Variants in FHIT observed in about 807,000 individuals in gnomAD.
FHIT encodes fragile histidine triad diadenosine triphosphatase.
Under a neutral mutation model 17.9 loss-of-function variants are expected in FHIT, and 19 were observed. The ratio of observed to expected loss-of-function variants is 1.06; its 90% CI spans 0.74 to 1.56. FHIT has a LOEUF of 1.56. Among genes scored for constraint, FHIT ranks in the 40% most tolerant of loss-of-function variants. The pLI is 0.00. For missense variants in FHIT, 248 were observed against 189.2 expected, an observed-to-expected ratio of 1.31 and a Z score of -1.82; for synonymous variants, 81 against 69.7, an observed-to-expected ratio of 1.16 and a Z score of -0.81.
intron 5 of FHIT, among the ~76,000 whole-genome samples, chr3:60,233,934 C>A (rs1704630621): frequency 1.3e-5 from 2 of 152,170 alleles, no homozygotes; most frequent in African/African-American, 2.4e-5. Context: ...CCACGTGGAA[C>A]TGTGAATCCA....
chr3:59,856,411 A>C (rs2106819504), intron 8 of FHIT, among the ~76,000 whole-genome samples: 1 of 152,322 alleles, frequency 6.6e-6, no homozygotes, highest in Non-Finnish European at 1.5e-5. Flanking sequence ...ATTTTATGCA[A>C]ACTCTTCCAT....
At chr3:59,821,859 A>G (rs1343622854) in intron 8 of FHIT, among the ~76,000 whole-genome samples, 1 of 152,088 alleles carries the variant, frequency 6.6e-6, no homozygotes, top group Non-Finnish European at 1.5e-5. Flanking sequence ...TACATGAGCA[A>G]GTTCTTCAGT....
In FHIT at chr3:60,610,703, A is replaced by T. The variant is rs565561202; in HGVS notation, c.-17-73724T>A. 9.2e-5 allele frequency among the ~76,000 whole-genome samples: 14 copies of T among 152,294 alleles called. No homozygotes were observed. In the East Asian group the frequency reaches 2.7e-3, roughly 29 times the overall value. ...TTCGAAAAAATATTAATAATATCAA[A>T]ACACCTTGCGGCTGCTCTTTTAGAT... On this transcript the variant is annotated intron_variant, in intron 4 of 9. Transcript: ENST00000492590.
At chr3:61,153,237 T>G (rs923065434) in intron 2 of FHIT, among the ~76,000 whole-genome samples, 4 of 151,906 alleles carry the variant, frequency 2.6e-5, no homozygotes, top group African/African-American at 7.3e-5. Context: ...TAACATCTCC[T>G]GAAATCCAAG....
intron 2 of FHIT, among the ~76,000 whole-genome samples, chr3:61,082,535 C>T (rs115648390): frequency 1.4e-4 from 21 of 152,190 alleles, no homozygotes; most frequent in Admixed American, 5.2e-4. Flanking sequence ...AATGGAGCTA[C>T]GAACATTCTC....
intron 5 of FHIT, among the ~76,000 whole-genome samples, chr3:60,467,205 G>A (rs559016453): frequency 6.6e-6 from 1 of 151,708 alleles, no homozygotes; most frequent in Non-Finnish European, 1.5e-5. Flanking sequence ...GATATCAATT[G>A]TAATGTCTCC....
intron 3 of FHIT, among the ~76,000 whole-genome samples, chr3:60,931,062 T>C (rs1187818623): frequency 2.4e-4 from 37 of 152,282 alleles, no homozygotes; most frequent in Non-Finnish European, 4.4e-4. Context: ...ATGTCCTTTG[T>C]AGGGACATGG....
intron 4 of FHIT, among the ~76,000 whole-genome samples, chr3:60,795,797 G>C (rs565873215): frequency 1.3e-4 from 20 of 152,286 alleles, no homozygotes; most frequent in African/African-American, 4.8e-4. Flanking sequence ...TTATAGGCTT[G>C]AGCCACTGGG....
At chr3:60,926,631 A>C (rs575572148) in intron 3 of FHIT, among the ~76,000 whole-genome samples, 2 of 152,376 alleles carry the variant, frequency 1.3e-5, no homozygotes, top group East Asian at 3.9e-4. Flanking sequence ...ACACTCTAAC[A>C]TCACAATTAA....
intron 3 of FHIT, among the ~76,000 whole-genome samples, chr3:60,901,864 C>T (rs1274175512): frequency 1.3e-5 from 2 of 152,148 alleles, no homozygotes; most frequent in African/African-American, 4.8e-5. Flanking sequence ...CATCTAGCTG[C>T]TACTGATCCT....
intron 5 of FHIT, among the ~76,000 whole-genome samples, chr3:60,067,651 G>A (rs938439868): frequency 7.2e-5 from 11 of 152,248 alleles, no homozygotes; most frequent in South Asian, 2.1e-4. Flanking sequence ...TGTATCTTGC[G>A]AAAGTCACTT....
intron 4 of FHIT, among the ~76,000 whole-genome samples, chr3:60,554,016 G>C (rs934511764): frequency 1.3e-5 from 2 of 152,198 alleles, no homozygotes; most frequent in Admixed American, 6.5e-5. Flanking sequence ...GAACCCAGTG[G>C]GCAGAGGTTG....
intron 2 of FHIT, among the ~76,000 whole-genome samples, chr3:61,142,055 G>A (rs2037098710): frequency 6.6e-6 from 1 of 151,398 alleles, no homozygotes; most frequent in African/African-American, 2.4e-5. Context: ...GGGAGTCAAA[G>A]CTTCACTTGC....
intron 5 of FHIT, among the ~76,000 whole-genome samples, chr3:60,259,288 C>A (rs1283873383): frequency 6.6e-6 from 1 of 152,122 alleles, no homozygotes; most frequent in Non-Finnish European, 1.5e-5. Context: ...TTCAATCTTT[C>A]TTTCAACAAA....
chr3:61,117,133 TTGTA>T (rs2036321440), intron 2 of FHIT, among the ~76,000 whole-genome samples: 2 of 152,228 alleles, frequency 1.3e-5, no homozygotes. Context: ...AAGGATTCTG[TTGTA>T]TTATCTTAAA....
chr3:59,813,286 T>C (rs1369482637), intron 8 of FHIT, among the ~76,000 whole-genome samples: 1 of 152,178 alleles, frequency 6.6e-6, no homozygotes, highest in Non-Finnish European at 1.5e-5. Flanking sequence ...TGTTAACACT[T>C]TGATGGGGCT....
chr3:60,803,705 C>G (rs1701282368), intron 4 of FHIT, among the ~76,000 whole-genome samples: 1 of 152,108 alleles, frequency 6.6e-6, no homozygotes, highest in African/African-American at 2.4e-5. Context: ...TACGCTGTCC[C>G]TGCCCCTGGT....
chr3:60,288,330 G>A (rs912524228), intron 5 of FHIT, among the ~76,000 whole-genome samples: 3 of 152,118 alleles, frequency 2.0e-5, no homozygotes, highest in African/African-American at 7.2e-5. Flanking sequence ...GGGAGGAGAT[G>A]TCACTAGGAG....
intron 5 of FHIT, among the ~76,000 whole-genome samples, chr3:60,117,083 T>C (rs939574414): frequency 1.3e-5 from 2 of 152,048 alleles, no homozygotes; most frequent in African/African-American, 4.8e-5. Context: ...ATCCCTGATG[T>C]TAATTGTACA....
Sources: allele counts gnomAD v4.1 joint callset (sites outside exome capture counted in the v4.1 genomes callset), GRCh38; gene constraint gnomAD v4.1.1; transcripts MANE v1.5; gene names NCBI Gene and HGNC (gene_info 2026-07-23, HGNC 2026-07-21).